The following SH3GL3 variants were observed in gnomAD, a reference collection of about 807,000 sequenced individuals.
SH3GL3 encodes endophilin-A3.
Under a neutral mutation model 47.7 loss-of-function variants are expected in SH3GL3, and 33 were observed. The ratio of observed to expected loss-of-function variants is 0.69; its 90% confidence interval spans 0.52 to 0.92. The LOEUF is 0.92. Among genes scored for constraint, SH3GL3 ranks in the 40% least tolerant of loss-of-function variants. SH3GL3 has a pLI of 0.00. For synonymous variants in SH3GL3, 155 were observed against 148.8 expected (o/e 1.04, Z -0.30); for missense variants, 363 against 417.8 (o/e 0.87, Z 1.14).
chr15:83,594,096 G>A (rs2060179412), intron 8 of SH3GL3, among the ~76,000 whole-genome samples: 1 of 152,202 alleles, frequency 6.6e-6, no homozygotes, highest in Admixed American at 6.5e-5. Flanking sequence ...TGGGATTACA[G>A]GCATGAGCCA....
At chr15:83,506,474 G>C (rs2042508285) in intron 1 of SH3GL3, among the ~76,000 whole-genome samples, 1 of 152,110 alleles carries the variant, frequency 6.6e-6, no homozygotes, top group Admixed American at 6.5e-5. Flanking sequence ...GTTGTGCTCT[G>C]CGGGACACAT....
chr15:83,575,730 G>C (rs973123535), intron 5 of SH3GL3, among the ~76,000 whole-genome samples: 7 of 152,324 alleles, frequency 4.6e-5, no homozygotes, highest in African/African-American at 1.7e-4. Context: ...AGTGCTTCCT[G>C]CTAAAATGAA....
At chr15:83,483,720 T>G (rs1358941817) in intron 1 of SH3GL3, among the ~76,000 whole-genome samples, 2 of 152,244 alleles carry the variant, frequency 1.3e-5, no homozygotes, top group Non-Finnish European at 2.9e-5. Context: ...CCCTCATCAG[T>G]AACTACCACA....
chr15:83,599,243 G>A (rs2060316322), intron 8 of SH3GL3, among the ~76,000 whole-genome samples: 1 of 151,926 alleles, frequency 6.6e-6, no homozygotes. Context: ...GTGGTATTTG[G>A]TTACATAAGT....
intron 8 of SH3GL3, among the ~76,000 whole-genome samples, chr15:83,594,606 G>A (rs2060193274): frequency 6.6e-6 from 1 of 152,094 alleles, no homozygotes; most frequent in African/African-American, 2.4e-5. Flanking sequence ...ATCTCCTTCG[G>A]CCTCTCTTGC....
At chr15:83,493,395 A>G (rs554124269) in intron 1 of SH3GL3, among the ~76,000 whole-genome samples, 1 of 152,240 alleles carries the variant, frequency 6.6e-6, no homozygotes, top group Non-Finnish European at 1.5e-5. Flanking sequence ...AAACAAAAAA[A>G]AGCACATGTA....
At chr15:83,528,763 C>G (rs903703724) in intron 1 of SH3GL3, among the ~76,000 whole-genome samples, 1 of 151,972 alleles carries the variant, frequency 6.6e-6, no homozygotes, top group Non-Finnish European at 1.5e-5. Flanking sequence ...ACTGAGCTTC[C>G]TTAATAACAT....
chr15:83,572,490 G>T (rs765980572), intron 4 of SH3GL3, 75 bp from the exon 5 acceptor site: 259 of 1,282,048 alleles, frequency 2.0e-4, no homozygotes, highest in Non-Finnish European at 2.6e-4. Flanking sequence ...TTTTGGTAAA[G>T]AATGAAATAA....
At position 83,587,047 on chromosome 15, in the gene SH3GL3, C is replaced by T. The variant is rs1272951900; in HGVS notation, c.689C>T (p.Thr230Ile). Residue 230 changes from threonine (T) to isoleucine (I), a missense_variant, in exon 7 of 9, where the codon ACA (threonine) becomes ATA (isoleucine). Coordinates refer to ENST00000427482, the MANE Select transcript of SH3GL3 (RefSeq NM_003027.5). ...EAALDYHRQS[T>I]EILQELQSKL... Reference sequence around the variant, plus strand: ...GCATTAGACTATCACAGACAGTCCACAGAGATTCTGCAGGAGCTGCAGAGC... The same window carrying T: ...GCATTAGACTATCACAGACAGTCCATAGAGATTCTGCAGGAGCTGCAGAGC... 1.9e-6 allele frequency: 3 copies of T among 1,610,804 alleles called. No individual in the cohort carries two copies. Among genetic ancestry groups the T allele is most frequent in the African/African-American group, 1.3e-5 (1 of 74,848 alleles).
intron 1 of SH3GL3, among the ~76,000 whole-genome samples, chr15:83,532,185 G>A (rs528926606): frequency 6.6e-6 from 1 of 152,280 alleles, no homozygotes; most frequent in East Asian, 1.9e-4. Context: ...TGTAAATTGT[G>A]TTTGAGGTAT....
Position 83,618,270 on chromosome 15 carries a change from G to T in SH3GL3, c.1027G>T (p.Val343Leu), listed in dbSNP as rs766883664. ...FFPINYVEVI[V>L]PLPQ ...CCCCATTAATTACGTGGAAGTGATC[G>T]TGCCTTTACCTCAGTAAATGTGTAA... The change falls in exon 9 of 9, where the codon GTG becomes TTG. Residue 343 changes from valine (V) to leucine (L), a missense_variant. Physicochemically the swap from Val to Leu is conservative, Grantham distance 32 (BLOSUM62 1). Coordinates refer to ENST00000427482, the MANE Select transcript of SH3GL3 (RefSeq NM_003027.5). The T allele has an allele frequency of 3.1e-6, 5 of 1,605,664 alleles. No homozygotes were observed. The highest frequency in any genetic ancestry group is 4.3e-6 in the Non-Finnish European group (5 of 1,172,280).
chr15:83,573,903 G>A (rs1308525515), intron 5 of SH3GL3, among the ~76,000 whole-genome samples: 1 of 152,200 alleles, frequency 6.6e-6, no homozygotes, highest in Non-Finnish European at 1.5e-5. Context: ...CAAGTAAACA[G>A]ATACCATGCA....
intron 1 of SH3GL3, among the ~76,000 whole-genome samples, chr15:83,555,926 CT>C (rs1330129218): frequency 2.6e-5 from 4 of 152,168 alleles, no homozygotes; most frequent in African/African-American, 9.7e-5. Context: ...TTGAGCATTG[CT>C]TATCTTTCTG....
chr15:83,467,292 T>C (rs1394990958), intron 1 of SH3GL3, among the ~76,000 whole-genome samples: 1 of 152,248 alleles, frequency 6.6e-6, no homozygotes. Context: ...TTGCAAAGGC[T>C]ATCCCTCCTC....
intron 1 of SH3GL3, among the ~76,000 whole-genome samples, chr15:83,515,527 G>C (rs180883856): frequency 2.3e-4 from 35 of 152,084 alleles, no homozygotes; most frequent in African/African-American, 7.0e-4. Context: ...CATGCAGGTG[G>C]GGGGGGAGGG....
chr15:83,530,257 G>T (rs1018253814), intron 1 of SH3GL3, among the ~76,000 whole-genome samples: 4 of 152,100 alleles, frequency 2.6e-5, no homozygotes, highest in African/African-American at 9.7e-5. Flanking sequence ...CAATCTCTAG[G>T]CAGCTCCCTG....
intron 1 of SH3GL3, among the ~76,000 whole-genome samples, chr15:83,465,034 A>C (rs184671705): frequency 6.8e-6 from 1 of 148,058 alleles, no homozygotes; most frequent in African/African-American, 2.5e-5. Flanking sequence ...AACAGCAATA[A>C]AAACAGCTCA....
chr15:83,576,669 A>G lies in SH3GL3; in HGVS notation c.552A>G (p.Arg184=). 2 of 1,613,896 alleles carry G rather than the reference A, an allele frequency of 1.2e-6. No homozygotes were observed. The highest frequency in any genetic ancestry group is 8.5e-7 in the Non-Finnish European group (1 of 1,179,792). Residue 184 remains arginine (R), a synonymous_variant, in exon 6 of 9, where the codon AGA becomes AGG. Transcript: ENST00000427482. The part of the protein sequence containing the change: ...RVGKIPDEEV[R]QAVEKFEESK... ...GTAAGATACCAGACGAAGAAGTCAG[A>G]CAAGCGGTAGAAAAATTTGAAGAGT...
chr15:83,472,750 G>T (rs531099788), intron 1 of SH3GL3, among the ~76,000 whole-genome samples: 22 of 151,818 alleles, frequency 1.4e-4, no homozygotes, highest in African/African-American at 4.6e-4. Context: ...GTCTTGGCAT[G>T]ATTATTGTTT....
Sources: allele counts gnomAD v4.1 joint callset (sites outside exome capture counted in the v4.1 genomes callset), GRCh38; gene constraint gnomAD v4.1.1; transcripts MANE v1.5; gene names NCBI Gene and HGNC (gene_info 2026-07-23, HGNC 2026-07-21).